The following DCDC1 variants were observed in gnomAD, a reference collection of about 807,000 sequenced individuals.
The protein encoded by DCDC1 is doublecortin domain-containing protein 1.
In DCDC1, 200 loss-of-function variants were observed where a neutral mutation model predicts 178.3. That is an observed-to-expected ratio of 1.12 (90% confidence interval 1.00 to 1.26). The LOEUF (loss-of-function observed/expected upper bound fraction) is 1.26. DCDC1 is among the 50% of genes most tolerant of loss of function. The pLI, the probability that DCDC1 is intolerant of heterozygous loss-of-function variation, is 0.00. For synonymous variants in DCDC1, 690 were observed against 604.8 expected (o/e 1.14, Z -2.07); for missense variants, 1,983 against 1,749.2 (o/e 1.13, Z -2.38).
chr11:30,925,488 G>T lies in DCDC1; in HGVS notation c.2898-80C>A, dbSNP rs1015834709. On this transcript the variant is annotated intron_variant, in intron 22 of 38. Coordinates refer to ENST00000684477, the MANE Select transcript of DCDC1 (RefSeq NM_001387274.1). ...AGAGAGAAAATAAAAGAAATCTGGG[G>T]CCTGAATCCATAATGACAACTCTCT... The T allele has an allele frequency of 1.4e-5, 17 of 1,255,218 alleles. No homozygotes were observed. In the African/African-American group the frequency reaches 1.8e-4, roughly 13 times the overall value. 77.8% of individuals were successfully genotyped at this position (1,255,218 alleles called of 1,614,324 possible).
intron 4 of DCDC1, chr11:31,307,278 T>A: frequency 5.5e-6 from 1 of 182,404 alleles, no homozygotes; most frequent in Non-Finnish European, 1.1e-5. Flanking sequence ...AATTGTTTTA[T>A]AATAATTTCA....
intron 9 of DCDC1, among the ~76,000 whole-genome samples, chr11:31,219,469 T>A (rs911320894): frequency 4.6e-5 from 7 of 152,194 alleles, no homozygotes; most frequent in Non-Finnish European, 8.8e-5. Flanking sequence ...ATTCTGATGC[T>A]GTCAGGCTTA....
chr11:31,180,390 C>T (rs937723031), intron 9 of DCDC1, among the ~76,000 whole-genome samples: 3 of 152,056 alleles, frequency 2.0e-5, no homozygotes, highest in Non-Finnish European at 4.4e-5. Flanking sequence ...TATATCAAAA[C>T]ATTAAATTGG....
chr11:31,046,977 A>T (rs1475548655), intron 20 of DCDC1, among the ~76,000 whole-genome samples: 1 of 152,028 alleles, frequency 6.6e-6, no homozygotes, highest in African/African-American at 2.4e-5. Context: ...AATCCCAACT[A>T]TCCTTCTTCT....
chr11:31,220,249 C>T (rs1424183975), intron 9 of DCDC1, among the ~76,000 whole-genome samples: 13 of 152,072 alleles, frequency 8.5e-5, no homozygotes, highest in South Asian at 4.1e-4. Flanking sequence ...ATCTTTGAAA[C>T]GTGTAATGGG....
rs188149683 is a variant in DCDC1 at position 30,975,125 on chromosome 11, A to C, written c.2592-22557T>G. On this transcript the variant is annotated intron_variant, in intron 20 of 38. Coordinates refer to ENST00000684477, the MANE Select transcript of DCDC1 (RefSeq NM_001387274.1). ...CAAGAGAATGAGGTACAAAAACTGT[A>C]AGATTATCTCAATAGACACAGAAAA... Among the ~76,000 whole-genome samples the C allele has an allele frequency of 1.4e-3, 219 of 152,242 alleles. 1 individual carries two copies. Among genetic ancestry groups the C allele is most frequent in the African/African-American group, 4.7e-3 (194 of 41,564 alleles).
At chr11:31,110,096 G>A (rs1220336410) in intron 12 of DCDC1, among the ~76,000 whole-genome samples, 164 bp downstream of exon 12, 1 of 152,100 alleles carries the variant, frequency 6.6e-6, no homozygotes, top group Admixed American at 6.6e-5. Context: ...CTATACTAAC[G>A]CTGAAAGCCT....
intron 20 of DCDC1, among the ~76,000 whole-genome samples, chr11:31,033,446 A>G (rs530930879): frequency 6.6e-6 from 1 of 152,230 alleles, no homozygotes; most frequent in African/African-American, 2.4e-5. Flanking sequence ...TATATTTATA[A>G]CTGGAATTCT....
At chr11:31,050,342 C>T (rs1430804277) in intron 20 of DCDC1, among the ~76,000 whole-genome samples, 1 of 152,170 alleles carries the variant, frequency 6.6e-6, no homozygotes, top group Non-Finnish European at 1.5e-5. Flanking sequence ...ACAGCAGCTG[C>T]AGCAAGACCT....
chr11:31,350,886 T>G (rs1264510456), intron 1 of DCDC1, among the ~76,000 whole-genome samples: 1 of 151,880 alleles, frequency 6.6e-6, no homozygotes, highest in East Asian at 1.9e-4. Flanking sequence ...AGAAATCTTT[T>G]GTTGCTAGAT....
chr11:30,993,916 T>A (rs902418048), intron 20 of DCDC1, among the ~76,000 whole-genome samples: 1 of 152,056 alleles, frequency 6.6e-6, no homozygotes, highest in Admixed American at 6.6e-5. Flanking sequence ...TACCAGAACA[T>A]AGAAGAGGAG....
chr11:31,104,344 C>T, intron 13 of DCDC1, among the ~76,000 whole-genome samples: 1 of 152,090 alleles, frequency 6.6e-6, no homozygotes, highest in East Asian at 1.9e-4. Context: ...CTATTTATCT[C>T]TAGAATTAAA....
intron 9 of DCDC1, among the ~76,000 whole-genome samples, chr11:31,213,512 G>C (rs1973109687): frequency 6.6e-6 from 1 of 152,000 alleles, no homozygotes; most frequent in Non-Finnish European, 1.5e-5. Context: ...ACAAGGTCAG[G>C]AGTTTGAGAC....
intron 36 of DCDC1, among the ~76,000 whole-genome samples, chr11:30,881,707 C>T (rs774056323): frequency 5.3e-5 from 8 of 152,156 alleles, no homozygotes; most frequent in Non-Finnish European, 1.0e-4. Context: ...CTCTTTGTTA[C>T]TTCAGACAGG....
intron 36 of DCDC1, among the ~76,000 whole-genome samples, chr11:30,891,814 T>A (rs922000736): frequency 2.0e-5 from 3 of 152,240 alleles, no homozygotes; most frequent in Non-Finnish European, 4.4e-5. Context: ...ACTTCTGATA[T>A]GAAATTGCTG....
intron 9 of DCDC1, among the ~76,000 whole-genome samples, chr11:31,209,721 C>T (rs532928282): frequency 1.3e-4 from 20 of 152,154 alleles, no homozygotes; most frequent in African/African-American, 4.6e-4. Flanking sequence ...AAATTTAAGG[C>T]AGAGAATAAA....
chr11:31,244,264 C>G (rs1977552632), intron 8 of DCDC1, among the ~76,000 whole-genome samples: 1 of 151,704 alleles, frequency 6.6e-6, no homozygotes, highest in Non-Finnish European at 1.5e-5. Context: ...TACTTTTTAA[C>G]CTCAACCCAT....
At position 31,005,646 on chromosome 11, in the gene DCDC1, T is replaced by C. The variant is rs1951794793; in HGVS notation, c.2592-53078A>G. Among the ~76,000 whole-genome samples the C allele has an allele frequency of 2.0e-5, 3 of 152,238 alleles. No individual in the cohort carries two copies. The South Asian group carries it at 6.2e-4, about 32-fold the overall frequency. On this transcript the variant is annotated intron_variant, in intron 20 of 38. Coordinates refer to ENST00000684477, the MANE Select transcript of DCDC1 (RefSeq NM_001387274.1). ...GTATATCAAGGGGGTAAAATGCAAG[T>C]TGCAAACCTGGGATGAGAGAACTGG...
intron 3 of DCDC1, among the ~76,000 whole-genome samples, chr11:31,316,046 A>AT (rs1949095117): frequency 1.3e-5 from 1 of 75,610 alleles, no homozygotes; most frequent in Non-Finnish European, 2.5e-5. Flanking sequence ...TTCTTAATCC[A>AT]TCTATCATTG....
Sources: gnomAD v4.1 joint callset for allele counts (sites outside exome capture counted in the v4.1 genomes callset) on GRCh38, gnomAD v4.1.1 for gene constraint, MANE v1.5 for transcripts, NCBI Gene and HGNC (gene_info 2026-07-23, HGNC 2026-07-21) for gene names.